The following DAAM1 variants were observed in gnomAD, a reference collection of about 807,000 sequenced individuals.
DAAM1 encodes dishevelled associated activator of morphogenesis 1.
A neutral mutation model predicts 130.0 loss-of-function variants in DAAM1; 52 were observed. The ratio of observed to expected loss-of-function variants is 0.40; its 90% confidence interval spans 0.32 to 0.50. DAAM1 has a LOEUF of 0.50. Ranked by LOEUF, DAAM1 falls within the 20% of genes least tolerant of loss-of-function variation. The pLI, the probability that DAAM1 is intolerant of heterozygous loss-of-function variation, is 0.61. For missense variants in DAAM1, 1,134 were observed against 1,303.8 expected, an observed-to-expected ratio of 0.87 and a Z score of 2.01; for synonymous variants, 452 against 444.5, an observed-to-expected ratio of 1.02 and a Z score of -0.21.
chr14:59,314,324 A>G (rs1884703014), intron 3 of DAAM1, among the ~76,000 whole-genome samples: 1 of 152,190 alleles, frequency 6.6e-6, no homozygotes, highest in African/African-American at 2.4e-5. Flanking sequence ...TTTGAATGTG[A>G]AGCTAAAGAA....
chr14:59,216,061 C>T (rs747245125), intron 1 of DAAM1, among the ~76,000 whole-genome samples: 5 of 152,162 alleles, frequency 3.3e-5, no homozygotes, highest in Admixed American at 1.3e-4. Flanking sequence ...TTGCTACACA[C>T]AGGTGGAGTC....
intron 1 of DAAM1, among the ~76,000 whole-genome samples, chr14:59,248,192 A>G (rs930023443): frequency 5.3e-5 from 8 of 152,240 alleles, no homozygotes; most frequent in East Asian, 1.9e-4. Flanking sequence ...GAATTATCCA[A>G]TAAAGCAATT....
chr14:59,198,673 G>A lies in DAAM1; in HGVS notation c.-38+9905G>A, dbSNP rs575683611. 9.2e-5 allele frequency among the ~76,000 whole-genome samples: 14 copies of A among 152,340 alleles called. No individual in the cohort carries two copies. The East Asian group carries it at 2.5e-3, about 27-fold the overall frequency. ...CAAACATGTGGGTGACTTTTCTAAT[G>A]AGGAAGGAGGATAATGCTGAGTAAA... On this transcript the variant is annotated intron_variant, in intron 1 of 24. Transcript: ENST00000360909.
intron 21 of DAAM1, 97 bp downstream of exon 21, chr14:59,359,601 G>A (rs1186693660): frequency 2.5e-6 from 2 of 806,342 alleles, no homozygotes; most frequent in South Asian, 1.8e-5. Flanking sequence ...CCTTCTATTT[G>A]TTTTCCCCTG....
intron 3 of DAAM1, among the ~76,000 whole-genome samples, chr14:59,298,965 C>G (rs186246627): frequency 6.6e-6 from 1 of 152,176 alleles, no homozygotes; most frequent in East Asian, 1.9e-4. Flanking sequence ...AGTAAATGTA[C>G]TCATAGGTTG....
At chr14:59,331,648 T>C (rs2139635887) in intron 14 of DAAM1, 140 bp downstream of exon 14, 1 of 1,503,640 alleles carries the variant, frequency 6.7e-7, no homozygotes, top group Non-Finnish European at 8.9e-7. Context: ...GCTCAGATAT[T>C]TAAGTGATAA....
intron 3 of DAAM1, among the ~76,000 whole-genome samples, chr14:59,313,709 G>A (rs1451135159): frequency 6.6e-6 from 1 of 152,168 alleles, no homozygotes; most frequent in East Asian, 1.9e-4. Flanking sequence ...TAAGAGTGGG[G>A]TTTTGCTAAT....
At chr14:59,191,882 C>A (rs79360654) in intron 1 of DAAM1, among the ~76,000 whole-genome samples, 12,825 of 152,152 alleles carry the variant, frequency 0.084, 749 homozygotes, top group Non-Finnish European at 0.13. Flanking sequence ...AGAGCCGTTC[C>A]GTAAACAGGA....
chr14:59,363,588 C>T (rs1436312688), intron 22 of DAAM1, 63 bp from the exon 23 acceptor site: 4 of 1,598,450 alleles, frequency 2.5e-6, no homozygotes, highest in Non-Finnish European at 3.4e-6. Flanking sequence ...AAATATGAGA[C>T]GAGGTGTGTC....
At chr14:59,251,703 A>G (rs1384786992) in intron 1 of DAAM1, among the ~76,000 whole-genome samples, 1 of 152,144 alleles carries the variant, frequency 6.6e-6, no homozygotes, top group Non-Finnish European at 1.5e-5. Context: ...TGTCCTCTCT[A>G]CTGCCTTATT....
intron 1 of DAAM1, among the ~76,000 whole-genome samples, chr14:59,207,415 C>T (rs1040095933): frequency 6.6e-6 from 1 of 152,088 alleles, no homozygotes; most frequent in African/African-American, 2.4e-5. Flanking sequence ...TTTCAGGACC[C>T]TTTGACTCTA....
intron 1 of DAAM1, among the ~76,000 whole-genome samples, chr14:59,206,142 A>G (rs993644059): frequency 4.6e-5 from 7 of 152,126 alleles, no homozygotes; most frequent in Admixed American, 2.0e-4. Context: ...AGCATGAGCT[A>G]CTGCACCTGG....
At chr14:59,311,381 C>T (rs781088471) in intron 3 of DAAM1, among the ~76,000 whole-genome samples, 1 of 152,088 alleles carries the variant, frequency 6.6e-6, no homozygotes, top group African/African-American at 2.4e-5. Context: ...GAGTGGAGGA[C>T]AGAGACATTC....
intron 2 of DAAM1, among the ~76,000 whole-genome samples, chr14:59,286,665 C>T (rs1883470708): frequency 6.6e-6 from 1 of 152,094 alleles, no homozygotes; most frequent in African/African-American, 2.4e-5. Context: ...CCTCTGTGCA[C>T]ACAAACAAGG....
intron 1 of DAAM1, among the ~76,000 whole-genome samples, chr14:59,236,984 C>T (rs1357722807): frequency 1.3e-5 from 2 of 152,160 alleles, no homozygotes; most frequent in African/African-American, 2.4e-5. Flanking sequence ...AAAGCAGCCA[C>T]AGACAATATG....
chr14:59,292,665 G>A (rs915501934), intron 3 of DAAM1, among the ~76,000 whole-genome samples: 3 of 152,136 alleles, frequency 2.0e-5, no homozygotes, highest in Non-Finnish European at 4.4e-5. Flanking sequence ...TTTCCAGCTG[G>A]GCAATTTTAA....
intron 10 of DAAM1, 36 bp downstream of exon 10, chr14:59,326,113 ATGTT>A: frequency 6.3e-7 from 1 of 1,580,042 alleles, no homozygotes; most frequent in Non-Finnish European, 8.7e-7. Flanking sequence ...GTGCTTCTGA[ATGTT>A]TGGACATTGT....
At chr14:59,311,922 C>T (rs886208148) in intron 3 of DAAM1, among the ~76,000 whole-genome samples, 6 of 152,152 alleles carry the variant, frequency 3.9e-5, no homozygotes, top group African/African-American at 1.4e-4. Flanking sequence ...TCATCTTGAA[C>T]TCCGGGCCTC....
At chr14:59,286,629 A>C (rs989031770) in intron 2 of DAAM1, among the ~76,000 whole-genome samples, 4 of 152,174 alleles carry the variant, frequency 2.6e-5, no homozygotes, top group Non-Finnish European at 4.4e-5. Context: ...AACAAACAAA[A>C]AAATCCTTAG....
Sources: allele counts gnomAD v4.1 joint callset (sites outside exome capture counted in the v4.1 genomes callset), GRCh38; gene constraint gnomAD v4.1.1; transcripts MANE v1.5; gene names NCBI Gene and HGNC (gene_info 2026-07-23, HGNC 2026-07-21).